PAPPA: variants seen among roughly 807,000 people sequenced by gnomAD.
The protein encoded by PAPPA is pappalysin-1.
In PAPPA, 60 loss-of-function variants were observed where a neutral mutation model predicts 164.0. That is an observed-to-expected ratio of 0.37 (90% CI 0.30 to 0.45). PAPPA has a LOEUF of 0.45. Ranked by LOEUF, PAPPA falls within the 20% of genes least tolerant of loss-of-function variation. PAPPA has a pLI of 1.00. For synonymous variants in PAPPA, 875 were observed against 814.1 expected (o/e 1.07, Z -1.27); for missense variants, 1,782 against 2,087.3 (o/e 0.85, Z 2.85).
In PAPPA at chr9:116,398,124, A is replaced by T. The variant is rs1846990202; in HGVS notation, c.*1508A>T. On this transcript the variant is annotated 3_prime_UTR_variant, in exon 22 of 22. Coordinates refer to ENST00000328252, the MANE Select transcript of PAPPA (RefSeq NM_002581.5). ...GTCTAGCCTCCAAAAGTTAAGTGAA[A>T]ATTAGTCAACTGCACGTGGAAGCCC... is the stretch of plus-strand genomic sequence containing the variant. The T allele has an allele frequency of 6.5e-6, 1 of 153,072 alleles. No homozygotes were observed. The highest frequency in any genetic ancestry group is 2.4e-5 in the African/African-American group (1 of 41,420). The allele number at this position is 153,072 out of a possible 1,614,324, so 9.5% of individuals were successfully genotyped here.
At chr9:116,232,444 C>A (rs575853006) in intron 6 of PAPPA, among the ~76,000 whole-genome samples, 4 of 152,240 alleles carry the variant, frequency 2.6e-5, no homozygotes, top group Admixed American at 6.5e-5. Flanking sequence ...CAATGAGAAA[C>A]CCTATAACTG....
At chr9:116,342,671 C>T (rs1329607178) in intron 13 of PAPPA, among the ~76,000 whole-genome samples, 1 of 151,922 alleles carries the variant, frequency 6.6e-6, no homozygotes, top group Non-Finnish European at 1.5e-5. Context: ...ACAAAAACAA[C>T]GACAAAAAAA....
At chr9:116,288,330 C>CCGCACTCAAGCCCAGGTGACAGAG (rs1300182894) in intron 9 of PAPPA, among the ~76,000 whole-genome samples, 30 of 152,216 alleles carry the variant, frequency 2.0e-4, no homozygotes, top group Non-Finnish European at 1.3e-4. Flanking sequence ...GATTGCGCCA[C>CCGCACTCAAGCCCAGGTGACAGAG]CGCACTCAAG....
intron 6 of PAPPA, among the ~76,000 whole-genome samples, chr9:116,233,254 AG>A (rs1166535897): frequency 2.6e-5 from 4 of 152,262 alleles, no homozygotes; most frequent in African/African-American, 4.8e-5. Flanking sequence ...ACGATCTTAC[AG>A]GATTTTGATG....
At chr9:116,216,569 CA>C (rs1250900450) in intron 4 of PAPPA, among the ~76,000 whole-genome samples, 1 of 152,054 alleles carries the variant, frequency 6.6e-6, no homozygotes, top group Non-Finnish European at 1.5e-5. Flanking sequence ...CCACAGATAT[CA>C]AGAGGGGAGG....
chr9:116,381,021 CA>C (rs1278604798), intron 20 of PAPPA, among the ~76,000 whole-genome samples: 1 of 152,172 alleles, frequency 6.6e-6, no homozygotes, highest in Non-Finnish European at 1.5e-5. Context: ...CCCCAACCAG[CA>C]CTTTAATCAG....
At chr9:116,180,918 C>T (rs1843897164) in intron 1 of PAPPA, among the ~76,000 whole-genome samples, 1 of 152,150 alleles carries the variant, frequency 6.6e-6, no homozygotes, top group Admixed American at 6.5e-5. Context: ...CTCTGACTTT[C>T]CAGTTTTCTG....
intron 19 of PAPPA, among the ~76,000 whole-genome samples, chr9:116,370,138 C>G (rs1167474359): frequency 6.6e-6 from 1 of 152,138 alleles, no homozygotes; most frequent in Non-Finnish European, 1.5e-5. Flanking sequence ...TGAGGCTCTG[C>G]TCCAGCTGCT....
chr9:116,327,362 G>C (rs1053667855), intron 10 of PAPPA, among the ~76,000 whole-genome samples: 3 of 152,160 alleles, frequency 2.0e-5, no homozygotes, highest in Admixed American at 6.5e-5. Flanking sequence ...GATTGGGAAG[G>C]GGGAAAAGGT....
intron 20 of PAPPA, among the ~76,000 whole-genome samples, chr9:116,378,259 T>G (rs1243127652): frequency 6.6e-6 from 1 of 152,190 alleles, no homozygotes; most frequent in Non-Finnish European, 1.5e-5. Context: ...TAGAGATCTG[T>G]CTCTGTGTGT....
chr9:116,234,357 C>T (rs568780774), intron 6 of PAPPA, among the ~76,000 whole-genome samples: 14 of 152,176 alleles, frequency 9.2e-5, no homozygotes, highest in East Asian at 3.9e-4. Context: ...GAACAGAGTG[C>T]GGAGAAGCTC....
intron 7 of PAPPA, 102 bp from the exon 8 acceptor site, chr9:116,265,755 G>T: frequency 1.1e-6 from 1 of 911,946 alleles, no homozygotes; most frequent in South Asian, 1.7e-5. Flanking sequence ...TTTCAAAAAT[G>T]AGCAAGACTG....
intron 1 of PAPPA, among the ~76,000 whole-genome samples, chr9:116,177,427 C>T (rs1338592697): frequency 2.0e-5 from 3 of 152,154 alleles, no homozygotes; most frequent in Non-Finnish European, 4.4e-5. Context: ...TTCTACTTGC[C>T]AATCATTGTG....
At chr9:116,375,707 C>T (rs1206649004) in intron 19 of PAPPA, among the ~76,000 whole-genome samples, 2 of 152,190 alleles carry the variant, frequency 1.3e-5, no homozygotes, top group Non-Finnish European at 2.9e-5. Context: ...CACAGCCTCA[C>T]CAAGAGGCCT....
chr9:116,235,749 T>C, intron 7 of PAPPA, 112 bp downstream of exon 7: 1 of 1,012,386 alleles, frequency 9.9e-7, no homozygotes, highest in Non-Finnish European at 1.5e-6. Flanking sequence ...CAAGACTCAC[T>C]CTATGGATTG....
At chr9:116,392,519 T>G (rs1328044029) in intron 21 of PAPPA, among the ~76,000 whole-genome samples, 1 of 152,080 alleles carries the variant, frequency 6.6e-6, no homozygotes, top group African/African-American at 2.4e-5. Flanking sequence ...GAATCACTAG[T>G]GTGTGTACAA....
At chr9:116,306,371 A>C (rs1352642705) in intron 10 of PAPPA, among the ~76,000 whole-genome samples, 1 of 152,236 alleles carries the variant, frequency 6.6e-6, no homozygotes, top group Non-Finnish European at 1.5e-5. Flanking sequence ...TTGATGTTGT[A>C]AAAGCCTGCC....
intron 9 of PAPPA, among the ~76,000 whole-genome samples, chr9:116,296,168 A>G (rs1845503831): frequency 6.6e-6 from 1 of 152,218 alleles, no homozygotes; most frequent in Admixed American, 6.5e-5. Context: ...CCAAGGTTTG[A>G]GGAAATTTTA....
chr9:116,189,360 A>G, intron 2 of PAPPA, among the ~76,000 whole-genome samples: 1 of 152,232 alleles, frequency 6.6e-6, no homozygotes, highest in East Asian at 1.9e-4. Context: ...TTTGCTATCT[A>G]TATGTTTCCC....
Sources: allele counts gnomAD v4.1 joint callset (sites outside exome capture counted in the v4.1 genomes callset), GRCh38; gene constraint gnomAD v4.1.1; transcripts MANE v1.5; gene names NCBI Gene and HGNC (gene_info 2026-07-23, HGNC 2026-07-21).